PSD3: variants seen among roughly 807,000 people sequenced by gnomAD.
PSD3 encodes the protein pleckstrin and Sec7 domain containing 3.
PSD3 carries 49 observed loss-of-function variants against 105.5 expected under a neutral mutation model. The observed-to-expected ratio is 0.46, with a 90% CI of 0.37 to 0.59. The LOEUF (loss-of-function observed/expected upper bound fraction) is 0.59. PSD3 is among the 20% of genes least tolerant of loss of function. The probability of loss-of-function intolerance (pLI) is 0.00; values close to 1 mark genes in which losing one functional copy is unlikely to be tolerated. For missense variants in PSD3, 1,561 were observed against 1,263.8 expected (o/e 1.24, Z -3.57); for synonymous variants, 557 against 457.8 (o/e 1.22, Z -2.77).
At chr8:18,796,932 A>G (rs1810236726) in intron 8 of PSD3, among the ~76,000 whole-genome samples, 3 of 152,176 alleles carry the variant, frequency 2.0e-5, no homozygotes, top group African/African-American at 7.2e-5. Context: ...AATTCATTTT[A>G]TCTCCTGCAT....
rs541199820 is a variant in PSD3 at position 18,837,182 on chromosome 8, G to A, written c.1634+30492C>T. Among the ~76,000 whole-genome samples, 3 of 152,184 alleles carry A rather than the reference G, an allele frequency of 2.0e-5. No homozygotes were observed. In the South Asian group the frequency reaches 6.2e-4, roughly 32 times the overall value. On this transcript the variant is annotated intron_variant, in intron 4 of 15. Transcript: ENST00000327040. The stretch of plus-strand genomic sequence containing the variant: ...CCAAAAAGTGGATGGCTTATCACAT[G>A]CAAAAACTCAAGATCCAGACAGTAT...
rs550215354 is a variant in PSD3 at position 18,722,835 on chromosome 8, G to A, written c.2172+42614C>T. Among the ~76,000 whole-genome samples the A allele has an allele frequency of 9.2e-5, 14 of 152,230 alleles. No individual in the cohort carries two copies. In the Middle Eastern group the frequency reaches 0.01, roughly 111 times the overall value. ...TCTATCACTCCCAAGGAGCATTACT[G>A]GAGTACAATATGCCCTCCAAACTCT... On this transcript the variant is annotated intron_variant, in intron 9 of 15. Coordinates refer to ENST00000327040, the MANE Select transcript of PSD3 (RefSeq NM_015310.4).
chr8:18,539,589 C>T (rs577166487), intron 15 of PSD3, among the ~76,000 whole-genome samples: 1 of 146,928 alleles, frequency 6.8e-6, no homozygotes, highest in Non-Finnish European at 1.5e-5. Flanking sequence ...TGCTCTGTCT[C>T]CAGGCTGGAG....
chr8:18,541,942 G>A (rs543995115), intron 15 of PSD3, among the ~76,000 whole-genome samples: 1 of 152,050 alleles, frequency 6.6e-6, no homozygotes, highest in South Asian at 2.1e-4. Context: ...ACTGGAGAAC[G>A]GGGTTTCTCC....
intron 12 of PSD3, among the ~76,000 whole-genome samples, chr8:18,584,400 A>G (rs1156428379): frequency 6.6e-6 from 1 of 152,208 alleles, no homozygotes; most frequent in African/African-American, 2.4e-5. Flanking sequence ...CTCACACTAG[A>G]GTGTTCATAT....
intron 1 of PSD3, among the ~76,000 whole-genome samples, chr8:19,046,233 T>A (rs185020346): frequency 1.1e-3 from 175 of 152,214 alleles, no homozygotes; most frequent in African/African-American, 4.0e-3. Context: ...TGCCTCAGCC[T>A]CCAGAGTAGC....
chr8:19,035,265 G>C (rs1827902959), intron 1 of PSD3, among the ~76,000 whole-genome samples: 1 of 152,074 alleles, frequency 6.6e-6, no homozygotes, highest in Non-Finnish European at 1.5e-5. Flanking sequence ...CAGGAATTAA[G>C]AATGAATTTG....
At chr8:18,773,921 A>G (rs1807786186) in intron 8 of PSD3, among the ~76,000 whole-genome samples, 1 of 152,146 alleles carries the variant, frequency 6.6e-6, no homozygotes, top group Non-Finnish European at 1.5e-5. Flanking sequence ...TCCTTTCTTC[A>G]GTATTTTGTA....
chr8:18,959,952 T>A (rs1823810336), intron 1 of PSD3, among the ~76,000 whole-genome samples: 1 of 152,182 alleles, frequency 6.6e-6, no homozygotes, highest in Admixed American at 6.5e-5. Flanking sequence ...AAATGTCACC[T>A]CCTTCACTAA....
intron 12 of PSD3, among the ~76,000 whole-genome samples, chr8:18,595,173 G>C (rs1383591967): frequency 1.3e-5 from 2 of 149,818 alleles, no homozygotes; most frequent in Admixed American, 6.7e-5. Context: ...GCTTAAAATA[G>C]ATCATTATAA....
intron 14 of PSD3, among the ~76,000 whole-genome samples, chr8:18,561,704 T>A (rs1200966936): frequency 6.6e-6 from 1 of 152,100 alleles, no homozygotes; most frequent in Admixed American, 6.5e-5. Context: ...AAAAAAATAT[T>A]TAATTTTTTT....
intron 11 of PSD3, among the ~76,000 whole-genome samples, chr8:18,629,854 G>A (rs139948668): frequency 6.6e-6 from 1 of 151,984 alleles, no homozygotes; most frequent in African/African-American, 2.4e-5. Flanking sequence ...TTTAGTTTTT[G>A]TAAATTATTA....
intron 12 of PSD3, among the ~76,000 whole-genome samples, chr8:18,579,751 A>G (rs560333534): frequency 9.2e-5 from 14 of 152,302 alleles, no homozygotes; most frequent in African/African-American, 3.4e-4. Flanking sequence ...ATAAACTACA[A>G]TTTGGAAAAT....
upstream of PSD3, among the ~76,000 whole-genome samples, chr8:19,013,872 C>G (rs1366427607): frequency 2.9e-5 from 2 of 70,052 alleles, no homozygotes; most frequent in Middle Eastern, 6.0e-3. Flanking sequence ...GCCGACGCCT[C>G]GGGGAGGGGG....
intron 15 of PSD3, among the ~76,000 whole-genome samples, chr8:18,552,482 T>C (rs1158021837): frequency 6.6e-6 from 1 of 152,212 alleles, no homozygotes; most frequent in East Asian, 1.9e-4. Context: ...AATGGTGCTG[T>C]GTCTTAAGGG....
intron 2 of PSD3, among the ~76,000 whole-genome samples, chr8:18,928,152 CCCA>C (rs1472424155): frequency 6.6e-6 from 1 of 152,134 alleles, no homozygotes; most frequent in Non-Finnish European, 1.5e-5. Context: ...TGTAATAATC[CCCA>C]CGTGTCAAGG....
intron 9 of PSD3, among the ~76,000 whole-genome samples, chr8:18,764,937 G>C (rs1340820036): frequency 6.6e-6 from 1 of 152,050 alleles, no homozygotes; most frequent in African/African-American, 2.4e-5. Context: ...ATCTGATGAG[G>C]GGGAAAAACA....
At chr8:18,646,453 G>A (rs1808040801) in intron 10 of PSD3, among the ~76,000 whole-genome samples, 1 of 152,028 alleles carries the variant, frequency 6.6e-6, no homozygotes, top group Admixed American at 6.6e-5. Context: ...TTATGTCAAG[G>A]TAAAAAATAT....
intron 1 of PSD3, among the ~76,000 whole-genome samples, chr8:19,005,539 G>A (rs983453526): frequency 6.6e-6 from 1 of 151,886 alleles, no homozygotes; most frequent in African/African-American, 2.4e-5. Context: ...AGAGCACAGC[G>A]ATGCAATCAC....
Sources: allele counts gnomAD v4.1 joint callset (sites outside exome capture counted in the v4.1 genomes callset), GRCh38; gene constraint gnomAD v4.1.1; transcripts MANE v1.5; gene names NCBI Gene and HGNC (gene_info 2026-07-23, HGNC 2026-07-21).